Variants in SYTL5 observed in about 807,000 individuals in gnomAD.
SYTL5 encodes synaptotagmin like 5.
Under a neutral mutation model 55.9 loss-of-function variants are expected in SYTL5, and 34 were observed. The observed-to-expected ratio is 0.61, with a 90% CI of 0.46 to 0.81. The LOEUF is 0.81. Among genes scored for constraint, SYTL5 ranks in the 30% least tolerant of loss-of-function variants. The probability of loss-of-function intolerance (pLI) is 0.00; values close to 1 mark genes in which losing one functional copy is unlikely to be tolerated. For synonymous variants in SYTL5, 221 were observed against 188.7 expected, an observed-to-expected ratio of 1.17 and a Z score of -1.40; for missense variants, 637 against 546.7, an observed-to-expected ratio of 1.17 and a Z score of -1.65.
intron 15 of SYTL5, among the ~76,000 whole-genome samples, chrX:38,124,705 G>A (rs909136647): frequency 8.9e-6 from 1 of 112,018 alleles, no homozygotes; most frequent in African/African-American, 3.2e-5. Context: ...GGCAACTGGA[G>A]CATGATTCCA....
At chrX:38,103,627 T>C (rs1425471714) in intron 10 of SYTL5, among the ~76,000 whole-genome samples, 4 of 110,719 alleles carry the variant, frequency 3.6e-5, no homozygotes, top group Non-Finnish European at 7.6e-5. Flanking sequence ...TTCTTGGCCA[T>C]ACCAACAATT....
chrX:37,976,290 A>T, the SYTL5 span, among the ~76,000 whole-genome samples: 1 of 112,573 alleles, frequency 8.9e-6, no homozygotes, highest in Non-Finnish European at 1.9e-5. Flanking sequence ...AGGTTTTCTT[A>T]ACTCTTGCAT....
chrX:37,977,323 G>GA, the SYTL5 span, among the ~76,000 whole-genome samples: 4 of 109,886 alleles, frequency 3.6e-5, no homozygotes, highest in Admixed American at 9.8e-5. Flanking sequence ...ACTAGGGATG[G>GA]AAAAAAAACA....
the SYTL5 span, among the ~76,000 whole-genome samples, chrX:37,924,241 A>G: frequency 9.0e-6 from 1 of 111,641 alleles, no homozygotes; most frequent in Admixed American, 9.5e-5. Flanking sequence ...CACGACTTTG[A>G]ATCCCATCAG....
chrX:37,967,884 A>T, the SYTL5 span, among the ~76,000 whole-genome samples: 1 of 106,290 alleles, frequency 9.4e-6, no homozygotes, highest in African/African-American at 3.4e-5. Context: ...TATAGGCATG[A>T]GTCACTGCAC....
At chrX:38,016,312 C>T (rs1934354558) in intron 1 of SYTL5, among the ~76,000 whole-genome samples, 1 of 111,635 alleles carries the variant, frequency 9.0e-6, no homozygotes, top group African/African-American at 3.3e-5. Context: ...GTTTGCCAAC[C>T]TCTAATATAG....
the SYTL5 span, among the ~76,000 whole-genome samples, chrX:37,967,487 TCTTTGA>T: frequency 8.9e-6 from 1 of 112,259 alleles, no homozygotes; most frequent in African/African-American, 3.2e-5. Flanking sequence ...CAAAATGCTC[TCTTTGA>T]CTTTAACTTT....
chrX:37,991,110 A>G, the SYTL5 span: 3 of 1,211,507 alleles, frequency 2.5e-6, no homozygotes, highest in Non-Finnish European at 3.4e-6. Flanking sequence ...AGAAGTGGAC[A>G]ACAACCGTGA....
In SYTL5 at chrX:38,089,485, T is replaced by C; in HGVS notation, c.729T>C (p.Pro243=). 8.3e-7 allele frequency: 1 copy of C among 1,210,528 alleles called. No homozygotes were observed. Among genetic ancestry groups the C allele is most frequent in the South Asian group, 1.8e-5 (1 of 56,766 alleles). The change falls in exon 7 of 17, where the codon CCT becomes CCC. Residue 243 remains proline, a synonymous_variant. Coordinates refer to ENST00000297875, the MANE Select transcript of SYTL5 (RefSeq NM_138780.3). ...TGSSDLNDQE[P]GPRTPKSSRS... ...CATCAGATCTCAATGACCAGGAACC[T>C]GGTCCTAGGACCCCGAAGAGCAGTC...
the SYTL5 span, among the ~76,000 whole-genome samples, chrX:37,918,602 C>T: frequency 7.3e-4 from 82 of 112,062 alleles, no homozygotes; most frequent in Non-Finnish European, 1.3e-3. Context: ...CAACAAATAA[C>T]TGAGGATGGT....
the SYTL5 span, among the ~76,000 whole-genome samples, chrX:37,978,546 A>C: frequency 8.9e-6 from 1 of 111,940 alleles, no homozygotes; most frequent in Non-Finnish European, 1.9e-5. Context: ...TGTGAATCTC[A>C]ATTGAGCATG....
chrX:37,958,205 T>C, the SYTL5 span, among the ~76,000 whole-genome samples: 2 of 100,816 alleles, frequency 2.0e-5, no homozygotes, highest in South Asian at 8.9e-4. Context: ...TGAGACTCCA[T>C]CTCAAAAAAA....
At chrX:37,963,295 T>C in the SYTL5 span, among the ~76,000 whole-genome samples, 3 of 105,056 alleles carry the variant, frequency 2.9e-5, no homozygotes, top group Non-Finnish European at 5.9e-5. Context: ...GTGGGTTTTT[T>C]TTTTTTTTTT....
chrX:38,022,143 C>G (rs759443301), intron 1 of SYTL5, among the ~76,000 whole-genome samples: 1 of 112,407 alleles, frequency 8.9e-6, no homozygotes, highest in Non-Finnish European at 1.9e-5. Flanking sequence ...TTTCTAAATG[C>G]TTATTCTTAA....
chrX:37,976,799 CA>C, the SYTL5 span, among the ~76,000 whole-genome samples: 12,832 of 47,076 alleles, frequency 0.27, 1,890 homozygotes, highest in African/African-American at 0.53. Flanking sequence ...ACTAAAAATA[CA>C]AAAAAAAAAA....
chrX:37,995,384 T>C, the SYTL5 span, among the ~76,000 whole-genome samples: 3 of 112,078 alleles, frequency 2.7e-5, no homozygotes, highest in Non-Finnish European at 3.8e-5. Flanking sequence ...GGATTGTCCT[T>C]AGGGCTATTT....
the SYTL5 span, among the ~76,000 whole-genome samples, chrX:37,943,139 T>C: frequency 1.8e-5 from 2 of 112,347 alleles, no homozygotes; most frequent in African/African-American, 3.2e-5. Flanking sequence ...ATAGTCAGTA[T>C]TGTTTTAAGT....
chrX:37,953,047 A>T, the SYTL5 span, among the ~76,000 whole-genome samples: 8 of 111,718 alleles, frequency 7.2e-5, no homozygotes, highest in Non-Finnish European at 1.5e-4. Context: ...TGATCTCAGG[A>T]AAACGAGTTT....
At chrX:37,986,531 G>A in the SYTL5 span, among the ~76,000 whole-genome samples, 6 of 112,075 alleles carry the variant, frequency 5.4e-5, no homozygotes, top group East Asian at 5.6e-4. Flanking sequence ...GTGTGGCACC[G>A]GGCTGTCTGC....
Sources: gnomAD v4.1 joint callset for allele counts (sites outside exome capture counted in the v4.1 genomes callset) on GRCh38, gnomAD v4.1.1 for gene constraint, MANE v1.5 for transcripts, NCBI Gene and HGNC (gene_info 2026-07-23, HGNC 2026-07-21) for gene names.